RNF144A: variants seen among roughly 807,000 people sequenced by gnomAD.
RNF144A encodes the protein ring finger protein 144A, also known as E3 ubiquitin-protein ligase RNF144A.
Under a neutral mutation model 38.7 loss-of-function variants are expected in RNF144A, and 11 were observed. The observed-to-expected ratio is 0.28, with a 90% CI of 0.18 to 0.47. RNF144A has a LOEUF of 0.47. Among genes scored for constraint, RNF144A ranks in the 20% least tolerant of loss-of-function variants. The pLI is 0.99. For synonymous variants in RNF144A, 149 were observed against 143.9 expected, an observed-to-expected ratio of 1.04 and a Z score of -0.25; for missense variants, 316 against 377.2, an observed-to-expected ratio of 0.84 and a Z score of 1.34.
At chr2:7,025,401 C>T (rs1040275671) in intron 7 of RNF144A, among the ~76,000 whole-genome samples, 1 of 152,232 alleles carries the variant, frequency 6.6e-6, no homozygotes, top group African/African-American at 2.4e-5. Context: ...AGGCCAGCCT[C>T]GGTGGCTCAC....
chr2:6,988,879 G>C (rs1351709683), intron 2 of RNF144A, among the ~76,000 whole-genome samples: 1 of 151,948 alleles, frequency 6.6e-6, no homozygotes. Context: ...TGGGCTCATG[G>C]GTATATATTT....
chr2:6,988,899 G>A (rs1050730768), intron 2 of RNF144A, among the ~76,000 whole-genome samples: 2 of 151,964 alleles, frequency 1.3e-5, no homozygotes, highest in African/African-American at 4.8e-5. Context: ...TTCTATTCTG[G>A]GTGATAATTC....
intron 1 of RNF144A, among the ~76,000 whole-genome samples, chr2:6,920,759 T>C (rs1225402660): frequency 6.6e-6 from 1 of 152,256 alleles, no homozygotes; most frequent in African/African-American, 2.4e-5. Flanking sequence ...CTCCGTTGTT[T>C]CTGCATTACT....
chr2:6,938,113 G>A (rs1665709519), intron 1 of RNF144A, among the ~76,000 whole-genome samples: 1 of 152,142 alleles, frequency 6.6e-6, no homozygotes, highest in African/African-American at 2.4e-5. Flanking sequence ...ATGTAGTGTT[G>A]CAGTCCTGAT....
rs987478163 is a variant in RNF144A, at chr2:6,980,355, T to TA, written c.-11-16557dup. Among the ~76,000 whole-genome samples, 10 of 152,352 alleles carry TA rather than the reference T, an allele frequency of 6.6e-5. 1 individual carries two copies. Among genetic ancestry groups the TA allele is most frequent in the African/African-American group, 2.4e-4 (10 of 41,584 alleles). Reference sequence around the variant, plus strand: ...CAAGTCCCTTCCACCGAAGAGCCTGTAAAATCACAAGCCAGTTAGTTACTT... The same window carrying TA: ...CAAGTCCCTTCCACCGAAGAGCCTGTAAAAATCACAAGCCAGTTAGTTACTT... On this transcript the variant is annotated intron_variant, in intron 2 of 8. Transcript: ENST00000320892.
At chr2:7,006,022 A>G (rs1008195058) in intron 3 of RNF144A, among the ~76,000 whole-genome samples, 1 of 144,050 alleles carries the variant, frequency 6.9e-6, no homozygotes, top group Admixed American at 7.0e-5. Context: ...TCTCGGTGGC[A>G]TCATTCCTTT....
chr2:7,026,444 G>A (rs910983503), intron 7 of RNF144A, among the ~76,000 whole-genome samples: 51 of 149,952 alleles, frequency 3.4e-4, no homozygotes, highest in Admixed American at 3.3e-3. Context: ...GTCTTACCAA[G>A]TTTTTTAGGG....
chr2:6,928,437 A>G (rs1241620589), intron 1 of RNF144A, among the ~76,000 whole-genome samples: 1 of 152,138 alleles, frequency 6.6e-6, no homozygotes, highest in East Asian at 1.9e-4. Flanking sequence ...TCTTGCACAT[A>G]TATTTGATTC....
At chr2:6,983,436 C>A (rs2103366303) in intron 2 of RNF144A, among the ~76,000 whole-genome samples, 1 of 152,338 alleles carries the variant, frequency 6.6e-6, no homozygotes, top group East Asian at 1.9e-4. Flanking sequence ...GTGAGGTTTA[C>A]AGTCAGCATC....
intron 2 of RNF144A, among the ~76,000 whole-genome samples, chr2:6,980,930 G>A (rs540102557): frequency 1.9e-4 from 29 of 152,318 alleles, no homozygotes; most frequent in African/African-American, 5.1e-4. Flanking sequence ...TGCCTTATGC[G>A]CACCCACAGG....
chr2:7,031,386 G>A (rs1356495447), intron 8 of RNF144A, among the ~76,000 whole-genome samples: 2 of 152,242 alleles, frequency 1.3e-5, no homozygotes, highest in African/African-American at 4.8e-5. Context: ...TGATAAAGCA[G>A]CAAGGACACA....
intron 2 of RNF144A, among the ~76,000 whole-genome samples, chr2:6,961,230 G>A (rs906131713): frequency 6.6e-6 from 1 of 151,964 alleles, no homozygotes; most frequent in African/African-American, 2.4e-5. Flanking sequence ...TCACAGAAAG[G>A]TCTATTGCTT....
At chr2:6,951,281 T>C (rs1032236852) in intron 2 of RNF144A, among the ~76,000 whole-genome samples, 1 of 152,140 alleles carries the variant, frequency 6.6e-6, no homozygotes, top group South Asian at 2.1e-4. Context: ...ATTCATGTTT[T>C]TTTTTTTTTC....
chr2:6,934,446 T>C (rs1665414805), intron 1 of RNF144A, among the ~76,000 whole-genome samples: 1 of 152,244 alleles, frequency 6.6e-6, no homozygotes, highest in Non-Finnish European at 1.5e-5. Context: ...ACTTACTTTT[T>C]ACTTGTCTTA....
At chr2:7,050,294 A>G (rs1673468756) in intron 6 of RNF144A, among the ~76,000 whole-genome samples, 1 of 152,184 alleles carries the variant, frequency 6.6e-6, no homozygotes, top group Non-Finnish European at 1.5e-5. Context: ...TTATGGTTTT[A>G]TAAATGGGAG....
At position 6,958,087 on chromosome 2, in the gene RNF144A, A is replaced by C. The variant is rs1180543117; in HGVS notation, c.-12+16940A>C. On this transcript the variant is annotated intron_variant, in intron 2 of 8. Transcript: ENST00000320892. This position sits in a 1 kb window ranked among gnomAD's most constrained non-coding sequence, Gnocchi z 4.5. The stretch of plus-strand genomic sequence containing the variant: ...GAGGGCTGCTGTCACATTGCATTGG[A>C]AGGTGACAGATGGAAGCACACAGTA... 3.3e-5 allele frequency among the ~76,000 whole-genome samples: 5 copies of C among 152,202 alleles called. No individual in the cohort carries two copies. Among genetic ancestry groups the C allele is most frequent in the Non-Finnish European group, 7.3e-5 (5 of 68,036 alleles).
intron 1 of RNF144A, among the ~76,000 whole-genome samples, chr2:6,936,248 C>T (rs1665566141): frequency 6.6e-6 from 1 of 152,192 alleles, no homozygotes; most frequent in African/African-American, 2.4e-5. Flanking sequence ...CACGTCCTTT[C>T]TTTACCTGGT....
Position 7,043,916 on chromosome 2 carries a change from G to A in RNF144A, c.*4156G>A. ...TGTATACGTTATGTATTTGACAAGT[G>A]GTGGTGAAACAAAATCAAAACAGAT... On this transcript the variant is annotated 3_prime_UTR_variant, in exon 9 of 9. Transcript: ENST00000320892. 1.0e-6 allele frequency: 1 copy of A among 985,826 alleles called. No individual in the cohort carries two copies. Among genetic ancestry groups the A allele is most frequent in the Non-Finnish European group, 1.2e-6 (1 of 829,934 alleles). The allele number at this position is 985,826 out of a possible 1,614,324, so 61.1% of individuals were successfully genotyped here.
At position 7,041,515 on chromosome 2, in the gene RNF144A, A is replaced by G. The variant is rs1673041827; in HGVS notation, c.*1755A>G. On this transcript the variant is annotated 3_prime_UTR_variant, in exon 9 of 9. Transcript: ENST00000320892. ...AACATGCCTGCGACTCCCTTTCTGG[A>G]TGGAACCTGGGCTGTGGCTCTCTGT... 1.0e-6 allele frequency: 1 copy of G among 985,998 alleles called. No individual in the cohort carries two copies. Among genetic ancestry groups the G allele is most frequent in the Non-Finnish European group, 1.2e-6 (1 of 829,928 alleles). 61.1% of individuals were successfully genotyped at this position (985,998 alleles called of 1,614,324 possible).
Sources: allele counts gnomAD v4.1 joint callset (sites outside exome capture counted in the v4.1 genomes callset), GRCh38; gene constraint gnomAD v4.1.1; non-coding constraint Gnocchi (gnomAD v3.1); transcripts MANE v1.5; gene names NCBI Gene and HGNC (gene_info 2026-07-23, HGNC 2026-07-21).